SASH1: variants seen among roughly 807,000 people sequenced by gnomAD.
The protein encoded by SASH1 is SAM and SH3 domain-containing protein 1.
SASH1 carries 44 observed loss-of-function variants against 125.2 expected under a neutral mutation model. The observed-to-expected ratio is 0.35, with a 90% CI of 0.28 to 0.45. SASH1 has a LOEUF of 0.45. Ranked by LOEUF, SASH1 falls within the 20% of genes least tolerant of loss-of-function variation. The probability of loss-of-function intolerance (pLI) is 1.00; values close to 1 mark genes in which losing one functional copy is unlikely to be tolerated. For synonymous variants in SASH1, 639 were observed against 649.1 expected (o/e 0.98, Z 0.24); for missense variants, 1,426 against 1,614.5 (o/e 0.88, Z 2.00).
intron 7 of SASH1, among the ~76,000 whole-genome samples, chr6:148,476,480 G>C (rs1030108604): frequency 5.3e-5 from 8 of 152,002 alleles, no homozygotes. Flanking sequence ...TCAGGAGTTC[G>C]GGACCAACCT....
chr6:148,472,145 A>T (rs1046901590), intron 6 of SASH1, among the ~76,000 whole-genome samples: 1 of 152,236 alleles, frequency 6.6e-6, no homozygotes, highest in Admixed American at 6.5e-5. Flanking sequence ...ATCCACTTCC[A>T]GATTCCAGTC....
chr6:148,472,278 G>A (rs749116265), intron 6 of SASH1, among the ~76,000 whole-genome samples: 3 of 152,088 alleles, frequency 2.0e-5, no homozygotes, highest in Admixed American at 6.5e-5. Context: ...TTATCAGTAC[G>A]CGTGGAAATG....
At chr6:148,416,526 G>T (rs1784825281) in intron 2 of SASH1, among the ~76,000 whole-genome samples, 1 of 152,162 alleles carries the variant, frequency 6.6e-6, no homozygotes, top group Non-Finnish European at 1.5e-5. Context: ...GACGACATGT[G>T]TGCTATGTGT....
In SASH1 at chr6:148,544,226, G is replaced by A. The variant is rs1782406548; in HGVS notation, c.2756G>A (p.Gly919Asp). The change falls in exon 18 of 20, where the codon GGT becomes GAT. Residue 919 changes from glycine (G) to aspartate (D), a missense_variant. Coordinates refer to ENST00000367467, the MANE Select transcript of SASH1 (RefSeq NM_015278.5). The surrounding 1 kb of genome is among the most constrained non-coding windows in gnomAD (Gnocchi z 6.4). The stretch of plus-strand genomic sequence containing the variant: ...CTGGAGGGCTCAATCGCAGCCTCTG[G>A]TCGCGGCCTGTCACCCCCTCAGTGT... The part of the protein sequence containing the change: ...KKLEGSIAAS[G>D]RGLSPPQCLP... The A allele has an allele frequency of 1.9e-6, 3 of 1,614,140 alleles. No individual in the cohort carries two copies. The highest frequency in any genetic ancestry group is 8.5e-7 in the Non-Finnish European group (1 of 1,180,042).
In SASH1 at chr6:148,406,157, T is replaced by C. The variant is rs540491924; in HGVS notation, c.285+15895T>C. Among the ~76,000 whole-genome samples the C allele has an allele frequency of 8.1e-4, 123 of 152,240 alleles. 1 individual carries two copies. Among genetic ancestry groups the C allele is most frequent in the African/African-American group, 2.8e-3 (118 of 41,522 alleles). ...TGCCCTGACCCCAGGAGATGACAAT[T>C]TTGAACACAAGCCAGCATTTTAGTG... is the stretch of plus-strand genomic sequence containing the variant. On this transcript the variant is annotated intron_variant, in intron 2 of 19. Coordinates refer to ENST00000367467, the MANE Select transcript of SASH1 (RefSeq NM_015278.5).
the SASH1 span, among the ~76,000 whole-genome samples, chr6:148,232,839 C>T: frequency 1.3e-5 from 2 of 152,148 alleles, no homozygotes; most frequent in Admixed American, 1.3e-4. Flanking sequence ...TTATTCAGAA[C>T]TCTGAGCCTG....
intron 4 of SASH1, among the ~76,000 whole-genome samples, chr6:148,446,128 A>G (rs1776770848): frequency 2.4e-5 from 1 of 41,660 alleles, no homozygotes; most frequent in Non-Finnish European, 4.5e-5. Flanking sequence ...TTTTTTTTTG[A>G]GACGGAGCCT....
At chr6:148,402,286 T>C (rs1784200591) in intron 2 of SASH1, among the ~76,000 whole-genome samples, 1 of 152,180 alleles carries the variant, frequency 6.6e-6, no homozygotes, top group Non-Finnish European at 1.5e-5. Context: ...ACAACCATGC[T>C]GATAATTATC....
chr6:148,214,774 A>G, the SASH1 span, among the ~76,000 whole-genome samples: 1 of 152,164 alleles, frequency 6.6e-6, no homozygotes, highest in Non-Finnish European at 1.5e-5. Context: ...ATGTTGCCAT[A>G]GTGCTTTGCA....
At chr6:148,349,368 A>G (rs1308544280) in intron 1 of SASH1, among the ~76,000 whole-genome samples, 3 of 143,064 alleles carry the variant, frequency 2.1e-5, no homozygotes, top group Non-Finnish European at 3.0e-5. Flanking sequence ...GGTTCAAGCA[A>G]TTCTCCTGCC....
At chr6:148,513,525 A>C in intron 8 of SASH1, 1 of 985,508 alleles carries the variant, frequency 1.0e-6, no homozygotes, top group Non-Finnish European at 1.2e-6. Flanking sequence ...GATTGTTTTT[A>C]GCCTGGGTCA....
At chr6:148,223,273 C>T in the SASH1 span, among the ~76,000 whole-genome samples, 2 of 152,268 alleles carry the variant, frequency 1.3e-5, no homozygotes, top group East Asian at 3.9e-4. Context: ...TCTGTGACCC[C>T]CCTCAGAGGC....
At chr6:148,534,023 CCT>C (rs772340762) in intron 15 of SASH1, 43 bp downstream of exon 15, 1 of 1,577,448 alleles carries the variant, frequency 6.3e-7, no homozygotes, top group South Asian at 1.1e-5. Context: ...TACCTCACTG[CCT>C]TTTTCTCTCC....
intron 2 of SASH1, among the ~76,000 whole-genome samples, chr6:148,414,289 A>G (rs1428179873): frequency 2.6e-5 from 4 of 152,072 alleles, no homozygotes; most frequent in African/African-American, 9.7e-5. Context: ...ACTTTTGTGG[A>G]TGCAAATGTC....
chr6:148,453,309 C>T (rs1777190991), intron 4 of SASH1, among the ~76,000 whole-genome samples: 1 of 152,050 alleles, frequency 6.6e-6, no homozygotes, highest in East Asian at 1.9e-4. Flanking sequence ...GAATATTAGG[C>T]CAAGGATGGG....
chr6:148,367,470 A>G (rs200265166), intron 1 of SASH1, among the ~76,000 whole-genome samples: 163 of 152,348 alleles, frequency 1.1e-3, no homozygotes, highest in African/African-American at 3.9e-3. Context: ...TCTGCAGGGA[A>G]ACAGAACAAA....
At chr6:148,413,666 G>A (rs1480933790) in intron 2 of SASH1, among the ~76,000 whole-genome samples, 2 of 152,140 alleles carry the variant, frequency 1.3e-5, no homozygotes, top group Admixed American at 6.5e-5. Flanking sequence ...CAGGTAAATC[G>A]AGGCCGTTGA....
intron 2 of SASH1, among the ~76,000 whole-genome samples, chr6:148,439,638 G>A (rs1210058026): frequency 2.6e-5 from 4 of 152,262 alleles, no homozygotes; most frequent in East Asian, 1.9e-4. Context: ...TCAGCTGGGC[G>A]TGGTGGCGCA....
the SASH1 span, among the ~76,000 whole-genome samples, chr6:148,215,218 T>A: frequency 6.6e-6 from 1 of 152,328 alleles, no homozygotes. Flanking sequence ...TTTAAATTGC[T>A]TTCGGCCTAA....
Sources: gnomAD v4.1 joint callset for allele counts (sites outside exome capture counted in the v4.1 genomes callset) on GRCh38, gnomAD v4.1.1 for gene constraint, Gnocchi (gnomAD v3.1) non-coding constraint, MANE v1.5 for transcripts, NCBI Gene and HGNC (gene_info 2026-07-23, HGNC 2026-07-21) for gene names.